Variants in GOT2 observed in about 807,000 individuals in gnomAD.
GOT2 encodes glutamic-oxaloacetic transaminase 2, also known as aspartate aminotransferase, mitochondrial.
GOT2 carries 17 observed loss-of-function variants against 50.0 expected under a neutral mutation model. The ratio of observed to expected loss-of-function variants is 0.34; its 90% confidence interval spans 0.23 to 0.51. GOT2 has a LOEUF of 0.51. GOT2 is among the 20% of genes least tolerant of loss of function. The pLI, the probability that GOT2 is intolerant of heterozygous loss-of-function variation, is 0.97. For missense variants in GOT2, 430 were observed against 559.6 expected, an observed-to-expected ratio of 0.77 and a Z score of 2.34; for synonymous variants, 172 against 204.9, an observed-to-expected ratio of 0.84 and a Z score of 1.37.
At chr16:58,728,466 C>T (rs891525711) in intron 1 of GOT2, among the ~76,000 whole-genome samples, 11 of 152,224 alleles carry the variant, frequency 7.2e-5, no homozygotes, top group Admixed American at 2.0e-4. Context: ...TATCACTCCA[C>T]TTTTATTTGT....
Position 58,707,320 on chromosome 16 carries a change from A to G in GOT2, c.*851T>C, listed in dbSNP as rs2044611626. 1 of 152,184 alleles carries G rather than the reference A, an allele frequency of 6.6e-6. No homozygotes were observed. The highest frequency in any genetic ancestry group is 1.5e-5 in the Non-Finnish European group (1 of 68,050). 9.4% of individuals were successfully genotyped at this position (152,184 alleles called of 1,614,324 possible). A position where few individuals can be genotyped will look rare whatever the true frequency, so the allele number is the denominator to read the frequency against. ...CACAGTGTGAGATGAGAGGCTGCAC[A>G]CCACATTCAACAAAGGGAGGAGGTC... is the stretch of plus-strand genomic sequence containing the variant. On this transcript the variant is annotated 3_prime_UTR_variant, in exon 10 of 10. Transcript: ENST00000245206.
At chr16:58,731,880 G>C (rs2152099549) in intron 1 of GOT2, among the ~76,000 whole-genome samples, 1 of 152,328 alleles carries the variant, frequency 6.6e-6, no homozygotes, top group Non-Finnish European at 1.5e-5. Context: ...TTTGGAGCTA[G>C]GTAAAGATCA....
intron 1 of GOT2, chr16:58,733,869 C>T (rs1210763809): frequency 1.6e-5 from 6 of 381,918 alleles, no homozygotes; most frequent in Non-Finnish European, 2.8e-5. Flanking sequence ...GGCCACACTT[C>T]CTTTCCCTAG....
intron 1 of GOT2, among the ~76,000 whole-genome samples, chr16:58,732,646 G>C (rs2044844190): frequency 6.6e-6 from 1 of 152,156 alleles, no homozygotes; most frequent in Admixed American, 6.5e-5. Context: ...TTACATTCTA[G>C]TAAGAAAAAT....
At chr16:58,720,274 T>C (rs913262484) in intron 3 of GOT2, among the ~76,000 whole-genome samples, 1 of 152,192 alleles carries the variant, frequency 6.6e-6, no homozygotes, top group Non-Finnish European at 1.5e-5. Flanking sequence ...AAAATATTCA[T>C]GTTTTGGGTA....
chr16:58,714,718 A>T (rs981241181), intron 8 of GOT2, among the ~76,000 whole-genome samples: 1 of 152,122 alleles, frequency 6.6e-6, no homozygotes, highest in African/African-American at 2.4e-5. Flanking sequence ...AAAAAAAAAC[A>T]AAAAACAAAA....
chr16:58,729,550 C>T (rs572067930), intron 1 of GOT2, among the ~76,000 whole-genome samples: 18 of 151,306 alleles, frequency 1.2e-4, no homozygotes, highest in Non-Finnish European at 2.2e-4. Context: ...CTGTATCCTC[C>T]AAGACCCTCA....
intron 2 of GOT2, among the ~76,000 whole-genome samples, chr16:58,723,438 T>G (rs2044756201): frequency 6.6e-6 from 1 of 152,174 alleles, no homozygotes; most frequent in East Asian, 1.9e-4. Flanking sequence ...CTTAAAGTCT[T>G]GGTCCTCTTA....
intron 6 of GOT2, 56 bp from the exon 7 acceptor site, chr16:58,716,869 G>A (rs1412059699): frequency 3.3e-6 from 5 of 1,520,336 alleles, no homozygotes; most frequent in Middle Eastern, 1.7e-4. Flanking sequence ...GGCCCCAGAT[G>A]TTTATAAAAG....
At position 58,707,439 on chromosome 16, in the gene GOT2, C is replaced by T. The variant is rs944891804; in HGVS notation, c.*732G>A. ...GTACAGTTTCCTACTCTCCACTATT[C>T]TTTGCTGAAAAGGGTGAGGGTACAG... On this transcript the variant is annotated 3_prime_UTR_variant, in exon 10 of 10. Coordinates refer to ENST00000245206, the MANE Select transcript of GOT2 (RefSeq NM_002080.4). The T allele has an allele frequency of 6.6e-6, 1 of 152,172 alleles. No homozygotes were observed. 9.4% of individuals were successfully genotyped at this position (152,172 alleles called of 1,614,324 possible). A position where few individuals can be genotyped will look rare whatever the true frequency, so the allele number is the denominator to read the frequency against.
rs2044616434 is a variant in GOT2, at chr16:58,707,910, T to C, written c.*261A>G. On this transcript the variant is annotated 3_prime_UTR_variant, in exon 10 of 10. Transcript: ENST00000245206. ...TTTGGTGCGATGACTTTCTTGCACA[T>C]GTAAACTCTTTGAGAAAAGTTGGAG... 6.5e-6 allele frequency: 2 copies of C among 306,384 alleles called. No homozygotes were observed. The highest frequency in any genetic ancestry group is 1.2e-5 in the Non-Finnish European group (2 of 165,320). The allele number at this position is 306,384 out of a possible 1,614,324, so 19.0% of individuals were successfully genotyped here.
chr16:58,724,563 C>T (rs1286981789), intron 1 of GOT2, among the ~76,000 whole-genome samples: 1 of 152,052 alleles, frequency 6.6e-6, no homozygotes, highest in Non-Finnish European at 1.5e-5. Context: ...ATTTTTGAGA[C>T]AGTTTCCCTC....
rs1448704155 is a variant in GOT2, at chr16:58,707,520, G to C, written c.*651C>G. On this transcript the variant is annotated 3_prime_UTR_variant, in exon 10 of 10. Coordinates refer to ENST00000245206, the MANE Select transcript of GOT2 (RefSeq NM_002080.4). ...AAATAAATCTCGATAGGATGGAGTTGATGGTCAATCAAGCAGTAGAATGGG... is the reference window on the plus strand; with the variant it reads ...AAATAAATCTCGATAGGATGGAGTTCATGGTCAATCAAGCAGTAGAATGGG... 6.6e-6 allele frequency: 1 copy of C among 152,208 alleles called. No homozygotes were observed. The highest frequency in any genetic ancestry group is 1.5e-5 in the Non-Finnish European group (1 of 68,048). The allele number at this position is 152,208 out of a possible 1,614,324, so 9.4% of individuals were successfully genotyped here. A position where few individuals can be genotyped will look rare whatever the true frequency, so the allele number is the denominator to read the frequency against.
intron 6 of GOT2, among the ~76,000 whole-genome samples, chr16:58,717,310 G>A (rs2044702140): frequency 6.6e-6 from 1 of 152,136 alleles, no homozygotes; most frequent in South Asian, 2.1e-4. Flanking sequence ...CCTGGAGGTA[G>A]AGGCTGCTGT....
In GOT2 at chr16:58,722,378, C is replaced by CTT; in HGVS notation, c.247-102_247-101dup. On this transcript the variant is annotated intron_variant, in intron 2 of 9. Coordinates refer to ENST00000245206, the MANE Select transcript of GOT2 (RefSeq NM_002080.4). ...ATAAGTTAAGTTTTGGAGGTAAAGT[C>CTT]TTTTTTTTTTGAGATGGAGTTTTGC... 1.0e-4 allele frequency: 115 copies of CTT among 1,098,006 alleles called. No homozygotes were observed. The Admixed American group carries it at 1.3e-3, about 12-fold the overall frequency. The allele number at this position is 1,098,006 out of a possible 1,614,324, so 68.0% of individuals were successfully genotyped here.
At chr16:58,722,070 G>A (rs1350639423) in intron 3 of GOT2, 80 bp downstream of exon 3, 34 of 1,498,428 alleles carry the variant, frequency 2.3e-5, no homozygotes, top group African/African-American at 8.3e-5. Context: ...GTGAGCCATC[G>A]CGCCTGGCCT....
chr16:58,731,710 CTTACAAAGAGTTCCACATAT>C (rs2044836179), intron 1 of GOT2, among the ~76,000 whole-genome samples: 1 of 152,138 alleles, frequency 6.6e-6, no homozygotes, highest in Non-Finnish European at 1.5e-5. Context: ...TACACTTGAA[CTTACAAAGAGTTCCACATAT>C]TTACAAAGAG....
At position 58,716,831 on chromosome 16, in the gene GOT2, A is replaced by G; in HGVS notation, c.703-18T>C. ...TTCCTTTTCTGAGAAGGAACGAAAG[A>G]TCGAAGCTTTAGCAGTCTTTCTGAA... On this transcript the variant is annotated intron_variant, in intron 6 of 9. Transcript: ENST00000245206. 6.2e-7 allele frequency: 1 copy of G among 1,613,464 alleles called. No individual in the cohort carries two copies. Among genetic ancestry groups the G allele is most frequent in the Non-Finnish European group, 8.5e-7 (1 of 1,179,578 alleles).
intron 1 of GOT2, among the ~76,000 whole-genome samples, chr16:58,725,499 T>C (rs1213502525): frequency 6.6e-6 from 1 of 152,244 alleles, no homozygotes; most frequent in Non-Finnish European, 1.5e-5. Flanking sequence ...TATTATTCAT[T>C]GTATACCTAA....
Sources: gnomAD v4.1 joint callset for allele counts (sites outside exome capture counted in the v4.1 genomes callset) on GRCh38, gnomAD v4.1.1 for gene constraint, MANE v1.5 for transcripts, NCBI Gene and HGNC (gene_info 2026-07-23, HGNC 2026-07-21) for gene names.